Variants in HYDIN observed in about 807,000 individuals in gnomAD.
HYDIN encodes the protein HYDIN axonemal central pair apparatus protein.
In HYDIN, 132 loss-of-function variants were observed where a neutral mutation model predicts 403.9. The ratio of observed to expected loss-of-function variants is 0.33; its 90% CI spans 0.28 to 0.38. The LOEUF is 0.38. Among genes scored for constraint, HYDIN ranks in the 10% least tolerant of loss-of-function variants. The pLI, the probability that HYDIN is intolerant of heterozygous loss-of-function variation, is 1.00. For synonymous variants in HYDIN, 1,202 were observed against 1,891.7 expected (o/e 0.64, Z 9.46); for missense variants, 2,827 against 5,009.5 (o/e 0.56, Z 13.15).
intron 29 of HYDIN, among the ~76,000 whole-genome samples, chr16:70,980,841 A>G (rs1313654824): frequency 6.6e-6 from 1 of 152,232 alleles, no homozygotes; most frequent in African/African-American, 2.4e-5. Context: ...GAATCTGCCA[A>G]GACAGAAATA....
At chr16:70,998,276 T>A (rs1021362167) in intron 23 of HYDIN, among the ~76,000 whole-genome samples, 4 of 151,496 alleles carry the variant, frequency 2.6e-5, no homozygotes, top group African/African-American at 9.7e-5. Context: ...AAAGAAAATG[T>A]CAATATTCTT....
At chr16:71,116,559 T>G (rs1227516719) in intron 9 of HYDIN, among the ~76,000 whole-genome samples, 1 of 152,030 alleles carries the variant, frequency 6.6e-6, no homozygotes, top group African/African-American at 2.4e-5. Flanking sequence ...TGAGGGATTG[T>G]GGGATCACAT....
rs573732936 is a variant in HYDIN, at chr16:70,993,237, C to T, written c.3645-1027G>A. 2.6e-5 allele frequency among the ~76,000 whole-genome samples: 4 copies of T among 152,298 alleles called. No individual in the cohort carries two copies. The East Asian group carries it at 7.7e-4, about 29-fold the overall frequency. The stretch of plus-strand genomic sequence containing the variant: ...TTCAGGGATCCTAGAGTATCATTTC[C>T]TAAATTTCAGGGATCCCACTACCAT... On this transcript the variant is annotated intron_variant, in intron 23 of 85. Coordinates refer to ENST00000393567, the MANE Select transcript of HYDIN (RefSeq NM_001270974.2).
intron 31 of HYDIN, 140 bp downstream of exon 31, chr16:70,974,996 G>A (rs1181111672): frequency 2.8e-5 from 16 of 563,262 alleles, no homozygotes; most frequent in South Asian, 2.1e-4. Context: ...AGGGGATGGC[G>A]GATAAGTGAG....
intron 45 of HYDIN, among the ~76,000 whole-genome samples, chr16:70,931,338 C>G (rs1382680547): frequency 6.7e-6 from 1 of 148,230 alleles, no homozygotes; most frequent in African/African-American, 2.5e-5. Context: ...AGGTGCACAC[C>G]ACCACAGATG....
chr16:70,925,995 A>G (rs1171290827), intron 45 of HYDIN, among the ~76,000 whole-genome samples: 1 of 149,500 alleles, frequency 6.7e-6, no homozygotes, highest in Admixed American at 6.7e-5. Flanking sequence ...AAATAGGAAC[A>G]CTTTTACACT....
intron 10 of HYDIN, among the ~76,000 whole-genome samples, chr16:71,108,026 A>G (rs564183025): frequency 5.6e-4 from 85 of 152,300 alleles, no homozygotes; most frequent in Middle Eastern, 3.4e-3. Context: ...AGGAATGTGG[A>G]TGAAGCTGGA....
At chr16:70,925,346 G>A (rs2077118507) in intron 45 of HYDIN, among the ~76,000 whole-genome samples, 1 of 152,234 alleles carries the variant, frequency 6.6e-6, no homozygotes, top group African/African-American at 2.4e-5. Flanking sequence ...TTCTACATAT[G>A]GCTAGCCAGT....
chr16:71,208,759 A>T (rs575935667), intron 1 of HYDIN, among the ~76,000 whole-genome samples: 15 of 152,226 alleles, frequency 9.9e-5, no homozygotes, highest in Non-Finnish European at 1.3e-4. Context: ...AATAACCATC[A>T]GAGACTCCTT....
intron 7 of HYDIN, among the ~76,000 whole-genome samples, chr16:71,150,271 CAAT>C (rs955168524): frequency 1.3e-5 from 2 of 148,740 alleles, no homozygotes; most frequent in African/African-American, 4.9e-5. Flanking sequence ...GAAATAAAAA[CAAT>C]AATAATAATT....
At chr16:70,825,302 T>C (rs1013413759) in intron 83 of HYDIN, among the ~76,000 whole-genome samples, 1 of 151,756 alleles carries the variant, frequency 6.6e-6, no homozygotes, top group African/African-American at 2.4e-5. Context: ...AACGTTGCTC[T>C]AATGTATTTA....
Position 70,943,699 on chromosome 16 carries a change from T to TCCGGGCTG in HYDIN, c.6669+105_6669+112dup. The TCCGGGCTG allele has an allele frequency of 3.5e-6, 5 of 1,416,994 alleles. No individual in the cohort carries two copies. The South Asian group carries it at 6.0e-5, about 17-fold the overall frequency. 87.8% of individuals were successfully genotyped at this position (1,416,994 alleles called of 1,614,324 possible). ...CAAAAAGACAAGCAAACGACTGCCT[T>TCCGGGCTG]CCGGGCTGCCGAGCTGCCGTGGGTG... On this transcript the variant is annotated intron_variant, in intron 42 of 85. Transcript: ENST00000393567.
intron 10 of HYDIN, chr16:71,113,991 T>A (rs1402711996): frequency 1.3e-5 from 2 of 150,474 alleles, no homozygotes; most frequent in Non-Finnish European, 3.0e-5. Context: ...AGATCCAATT[T>A]AGGTATCTTG....
At chr16:70,923,647 C>CAAAA (rs57860871) in intron 45 of HYDIN, among the ~76,000 whole-genome samples, 3 of 69,308 alleles carry the variant, frequency 4.3e-5, no homozygotes, top group African/African-American at 6.3e-5. Flanking sequence ...CTAAAAAATA[C>CAAAA]AAAAAAAAAA....
intron 36 of HYDIN, among the ~76,000 whole-genome samples, chr16:70,966,640 A>G (rs1444853228): frequency 1.3e-5 from 2 of 150,590 alleles, no homozygotes; most frequent in African/African-American, 4.9e-5. Flanking sequence ...CCTTATGAGG[A>G]AACAATGGAG....
At chr16:71,144,164 T>C (rs2085282637) in intron 7 of HYDIN, among the ~76,000 whole-genome samples, 1 of 152,196 alleles carries the variant, frequency 6.6e-6, no homozygotes, top group South Asian at 2.1e-4. Context: ...AACCAAAGTT[T>C]CAATACAAAT....
chr16:70,865,254 T>G, intron 67 of HYDIN: 1 of 358,926 alleles, frequency 2.8e-6, no homozygotes, highest in Non-Finnish European at 5.6e-6. Context: ...CTTGGTTACC[T>G]CCTATCTGTC....
chr16:70,879,603 A>G lies in HYDIN; in HGVS notation c.10367+2T>C. 1 of 1,613,404 alleles carries G rather than the reference A, an allele frequency of 6.2e-7. No individual in the cohort carries two copies. The highest frequency in any genetic ancestry group is 8.5e-7 in the Non-Finnish European group (1 of 1,179,950). ...AGGGAGCTGGGAGCTGGGAGTTGGT[A>G]CCTGGGCAAGCCATCCAAGGTAGCC... On this transcript the variant is annotated splice_donor_variant, in intron 61 of 85. Coordinates refer to ENST00000393567, the MANE Select transcript of HYDIN (RefSeq NM_001270974.2). LOFTEE classifies it high-confidence loss of function.
At position 70,868,626 on chromosome 16, in the gene HYDIN, C is replaced by G. The variant is rs1206590229; in HGVS notation, c.11254G>C (p.Val3752Leu). ...VPDWDDRMHT[V>L]KWVDVPRNMP... is the part of the protein sequence containing the mutation. The stretch of plus-strand genomic sequence containing the variant: ...TTTCTGGGTACGTCCACCCACTTGA[C>G]TGTGTGCATGCGGTCATCCCAGTCG... The change falls in exon 66 of 86, where the codon GTC becomes CTC. Residue 3752 changes from valine (V) to leucine (L), a missense_variant. Val to Leu is a conservative substitution (Grantham distance 32, BLOSUM62 1). Transcript: ENST00000393567. 3.7e-6 allele frequency: 6 copies of G among 1,613,844 alleles called. No individual in the cohort carries two copies. The highest frequency in any genetic ancestry group is 5.1e-6 in the Non-Finnish European group (6 of 1,180,016).
Sources: allele counts gnomAD v4.1 joint callset (sites outside exome capture counted in the v4.1 genomes callset), GRCh38; gene constraint gnomAD v4.1.1; transcripts MANE v1.5; gene names NCBI Gene and HGNC (gene_info 2026-07-23, HGNC 2026-07-21).